The following SCP2 variants were observed in gnomAD, a reference collection of about 807,000 sequenced individuals.
The protein encoded by SCP2 is SCP-2/3-oxoacyl-CoA thiolase.
Under a neutral mutation model 71.4 loss-of-function variants are expected in SCP2, and 48 were observed. That is an observed-to-expected ratio of 0.67 (90% CI 0.53 to 0.86). The LOEUF (loss-of-function observed/expected upper bound fraction) is 0.86. SCP2 is among the 40% of genes least tolerant of loss of function. The pLI is 0.00. For missense variants in SCP2, 560 were observed against 655.6 expected (o/e 0.85, Z 1.59); for synonymous variants, 220 against 218.1 (o/e 1.01, Z -0.08).
chr1:53,039,639 C>A (rs1663278854), intron 14 of SCP2, among the ~76,000 whole-genome samples: 3 of 152,238 alleles, frequency 2.0e-5, no homozygotes, highest in Admixed American at 2.0e-4. Flanking sequence ...ATTACACTTA[C>A]ACGTTTTCCT....
At chr1:53,046,330 C>CTTTTTTTTTTT (rs749725244) in intron 14 of SCP2, among the ~76,000 whole-genome samples, 1 of 120,914 alleles carries the variant, frequency 8.3e-6, no homozygotes. Flanking sequence ...TGGGTATTGT[C>CTTTTTTTTTTT]TTTTTTTTTT....
chr1:52,993,718 A>G lies in SCP2; in HGVS notation c.1081+5582A>G, dbSNP rs1557594306. The G allele has an allele frequency of 7.4e-5, 119 of 1,611,132 alleles. No homozygotes were observed. In the South Asian group the frequency reaches 1.2e-3, roughly 16 times the overall value. On this transcript the variant is annotated intron_variant, in intron 11 of 15. Transcript: ENST00000371514. The stretch of plus-strand genomic sequence containing the variant: ...CAAAATAGGACTCCCAACTTAGGAA[A>G]CAAAACATTTGTAATATGATTGAAG...
chr1:53,050,599 T>G lies in SCP2; in HGVS notation c.1549-10T>G. The G allele has an allele frequency of 6.3e-7, 1 of 1,596,366 alleles. No individual in the cohort carries two copies. The highest frequency in any genetic ancestry group is 8.6e-7 in the Non-Finnish European group (1 of 1,163,978). On this transcript the variant is annotated splice_polypyrimidine_tract_variant and intron_variant, in intron 15 of 15. Transcript: ENST00000371514. ...AACACCAAGTAATGAATTTTCTTTC[T>G]TCTTCACAGGCCTTCTTTCAAGGCA...
intron 12 of SCP2, among the ~76,000 whole-genome samples, chr1:53,018,651 G>T (rs1204197354): frequency 6.6e-6 from 1 of 151,718 alleles, no homozygotes; most frequent in African/African-American, 2.4e-5. Context: ...TGTGGCATGA[G>T]AATCGCTTGA....
intron 12 of SCP2, among the ~76,000 whole-genome samples, chr1:53,016,142 G>A (rs11206071): frequency 6.6e-6 from 1 of 151,936 alleles, no homozygotes; most frequent in African/African-American, 2.4e-5. Flanking sequence ...TTGAGTCTAT[G>A]TTATTCTTCT....
intron 1 of SCP2, among the ~76,000 whole-genome samples, chr1:52,938,089 A>G (rs1396988215): frequency 6.6e-6 from 1 of 152,196 alleles, no homozygotes; most frequent in Non-Finnish European, 1.5e-5. Flanking sequence ...TAATTCGCAT[A>G]TAATGAGCAA....
At chr1:53,032,448 C>G (rs554980438) in intron 13 of SCP2, among the ~76,000 whole-genome samples, 10 of 152,186 alleles carry the variant, frequency 6.6e-5, no homozygotes, top group South Asian at 2.1e-4. Flanking sequence ...AGCATGTGAG[C>G]TGAGATTTGA....
At chr1:52,963,249 T>C (rs997635140) in intron 6 of SCP2, among the ~76,000 whole-genome samples, 6 of 152,176 alleles carry the variant, frequency 3.9e-5, no homozygotes, top group African/African-American at 1.2e-4. Flanking sequence ...ATTTTACTTG[T>C]TTAATTTTCA....
intron 13 of SCP2, among the ~76,000 whole-genome samples, chr1:53,032,265 A>T (rs1035668908): frequency 6.6e-6 from 1 of 152,148 alleles, no homozygotes; most frequent in African/African-American, 2.4e-5. Context: ...GCAACCTGGG[A>T]TTGAGTTCTG....
Position 52,974,847 on chromosome 1 carries a change from G to T in SCP2, c.587+15G>T, listed in dbSNP as rs936410977. The T allele has an allele frequency of 7.8e-7, 1 of 1,280,790 alleles. No homozygotes were observed. The highest frequency in any genetic ancestry group is 1.5e-5 in the African/African-American group (1 of 68,426). 79.3% of individuals were successfully genotyped at this position (1,280,790 alleles called of 1,614,324 possible). A position where few individuals can be genotyped will look rare whatever the true frequency, so the allele number is the denominator to read the frequency against. On this transcript the variant is annotated intron_variant, in intron 7 of 15. Transcript: ENST00000371514. Reference sequence around the variant, plus strand: ...GTTAATAACCCGTAAGTATTTCAGAGACATGAAATAATGAAAATCTGGGTT... The same window carrying T: ...GTTAATAACCCGTAAGTATTTCAGATACATGAAATAATGAAAATCTGGGTT...
intron 11 of SCP2, chr1:52,994,018 C>T (rs11581638): frequency 0.065 from 78,708 of 1,202,484 alleles, 4,420 homozygotes; most frequent in African/African-American, 0.29. Context: ...TGTTTTCTAG[C>T]GTGACACCCT....
At chr1:52,970,943 T>G (rs1335817012) in intron 6 of SCP2, among the ~76,000 whole-genome samples, 1 of 151,256 alleles carries the variant, frequency 6.6e-6, no homozygotes, top group Non-Finnish European at 1.5e-5. Flanking sequence ...TCTGTATTGG[T>G]TTTAGAGGCT....
intron 11 of SCP2, among the ~76,000 whole-genome samples, chr1:53,000,428 G>GT (rs1371002140): frequency 6.6e-6 from 1 of 152,102 alleles, no homozygotes; most frequent in Non-Finnish European, 1.5e-5. Context: ...CTAGAAGTGG[G>GT]TTTTTTTAGT....
chr1:52,941,926 C>A, intron 2 of SCP2, 73 bp downstream of exon 2: 1 of 1,132,984 alleles, frequency 8.8e-7, no homozygotes, highest in Non-Finnish European at 1.3e-6. Context: ...ATGGATGGGG[C>A]AGCCTTGCAA....
intron 15 of SCP2, chr1:53,049,110 A>C (rs1371152611): frequency 6.6e-6 from 1 of 152,172 alleles, no homozygotes; most frequent in Non-Finnish European, 1.5e-5. Flanking sequence ...TGACATTTCC[A>C]CTGAGCCTGC....
At chr1:52,956,752 C>T (rs544406128) in intron 5 of SCP2, among the ~76,000 whole-genome samples, 1 of 151,942 alleles carries the variant, frequency 6.6e-6, no homozygotes, top group East Asian at 1.9e-4. Flanking sequence ...GTTTATGATA[C>T]ATGAAAAATA....
intron 13 of SCP2, among the ~76,000 whole-genome samples, chr1:53,028,534 A>T (rs980486130): frequency 6.3e-4 from 95 of 151,890 alleles, no homozygotes; most frequent in African/African-American, 1.7e-3. Context: ...TAGTTAAAAA[A>T]TTTTTTTGTT....
At chr1:53,010,020 T>A (rs1410329270) in intron 11 of SCP2, among the ~76,000 whole-genome samples, 7 of 152,048 alleles carry the variant, frequency 4.6e-5, no homozygotes, top group Non-Finnish European at 1.0e-4. Context: ...AACAGACACA[T>A]GAAAAAATGC....
At chr1:52,997,637 G>A (rs933328457) in intron 11 of SCP2, among the ~76,000 whole-genome samples, 8 of 152,164 alleles carry the variant, frequency 5.3e-5, no homozygotes, top group African/African-American at 1.4e-4. Context: ...AGGGAACACA[G>A]GAGAGAGATA....
Sources: allele counts gnomAD v4.1 joint callset (sites outside exome capture counted in the v4.1 genomes callset), GRCh38; gene constraint gnomAD v4.1.1; transcripts MANE v1.5; gene names NCBI Gene and HGNC (gene_info 2026-07-23, HGNC 2026-07-21).